RORB: variants seen among roughly 807,000 people sequenced by gnomAD.
RORB encodes the protein nuclear receptor ROR-beta.
Under a neutral mutation model 59.1 loss-of-function variants are expected in RORB, and 6 were observed. The observed-to-expected ratio is 0.10, with a 90% CI of 0.06 to 0.20. RORB has a LOEUF of 0.20. Among genes scored for constraint, RORB ranks in the 10% least tolerant of loss-of-function variants. The pLI is 1.00. For missense variants in RORB, 320 were observed against 560.5 expected (o/e 0.57, Z 4.33); for synonymous variants, 215 against 204.5 (o/e 1.05, Z -0.44).
At position 74,560,326 on chromosome 9, in the gene RORB, C is replaced by A. The variant is rs189629880; in HGVS notation, c.7+62343C>A. On this transcript the variant is annotated intron_variant, in intron 1 of 9. Transcript: ENST00000376896. ...TGGCTTAATGAAAGTACTCAGAATT[C>A]GAAGTAGGGTGGCGGAAGGCTCAAT... is the stretch of plus-strand genomic sequence containing the variant. 2.1e-4 allele frequency among the ~76,000 whole-genome samples: 32 copies of A among 152,194 alleles called. No homozygotes were observed. The East Asian group carries it at 6.0e-3, about 29-fold the overall frequency.
intron 1 of RORB, among the ~76,000 whole-genome samples, chr9:74,537,765 G>A (rs943969141): frequency 1.3e-5 from 2 of 152,040 alleles, no homozygotes; most frequent in African/African-American, 2.4e-5. Flanking sequence ...ATTTTGGTCT[G>A]ATGAGGGTAC....
Position 74,681,252 on chromosome 9 carries a change from T to TG in RORB, c.1225-4206dup, listed in dbSNP as rs570370014. Among the ~76,000 whole-genome samples, 1,106 of 152,268 alleles carry TG rather than the reference T, an allele frequency of 7.3e-3. 21 individuals carry two copies. Among genetic ancestry groups the TG allele is most frequent in the African/African-American group, 0.025 (1,056 of 41,550 alleles). On this transcript the variant is annotated intron_variant, in intron 9 of 9. Transcript: ENST00000376896. ...AGGCTGCTCTGAGCTCCCTTTGAAA[T>TG]GGGGGTCCCCTGGCTGCAGTACATA...
At chr9:74,640,965 A>T (rs970459693) in intron 3 of RORB, among the ~76,000 whole-genome samples, 2 of 152,192 alleles carry the variant, frequency 1.3e-5, no homozygotes, top group Admixed American at 1.3e-4. Flanking sequence ...GCACTTCACC[A>T]TTTAGATATT....
intron 1 of RORB, among the ~76,000 whole-genome samples, chr9:74,599,132 G>C (rs924558227): frequency 2.6e-5 from 4 of 152,132 alleles, no homozygotes; most frequent in African/African-American, 9.7e-5. Flanking sequence ...AATTTTGGTG[G>C]TGACAAACTC....
intron 1 of RORB, among the ~76,000 whole-genome samples, chr9:74,618,143 A>ACG (rs1261117393): frequency 6.6e-6 from 1 of 152,016 alleles, no homozygotes; most frequent in African/African-American, 2.4e-5. Flanking sequence ...ACACACACAC[A>ACG]CGCACACACA....
chr9:74,544,181 G>A (rs1408364383), intron 1 of RORB, among the ~76,000 whole-genome samples: 3 of 152,112 alleles, frequency 2.0e-5, no homozygotes, highest in African/African-American at 7.2e-5. Context: ...GCTTGCCTTG[G>A]TGCCTCTGTT....
intron 6 of RORB, among the ~76,000 whole-genome samples, 189 bp from the exon 7 acceptor site, chr9:74,665,299 C>G (rs1229171448): frequency 1.3e-5 from 2 of 151,664 alleles, no homozygotes; most frequent in African/African-American, 4.8e-5. Context: ...TTGCACCAAC[C>G]TAATAGTTAT....
chr9:74,517,336 C>G (rs1307922511), intron 1 of RORB, among the ~76,000 whole-genome samples: 1 of 151,856 alleles, frequency 6.6e-6, no homozygotes, highest in Non-Finnish European at 1.5e-5. Context: ...ATCAGGAGAT[C>G]TAAATTGTGA....
Position 74,669,356 on chromosome 9 carries a change from G to A in RORB, c.1111+1455G>A, listed in dbSNP as rs193011322. ...TAGCTGGATATGGTGGCAGATGCCT[G>A]TAATTCCAGCTCCTTGGGAAGCTGA... On this transcript the variant is annotated intron_variant, in intron 8 of 9. Coordinates refer to ENST00000376896, the MANE Select transcript of RORB (RefSeq NM_006914.4). Among the ~76,000 whole-genome samples, 58 of 152,090 alleles carry A rather than the reference G, an allele frequency of 3.8e-4. No individual in the cohort carries two copies. In the East Asian group the frequency reaches 0.01, roughly 27 times the overall value.
chr9:74,500,887 A>G (rs554859432), intron 1 of RORB, among the ~76,000 whole-genome samples: 1 of 152,044 alleles, frequency 6.6e-6, no homozygotes, highest in African/African-American at 2.4e-5. Context: ...TTGGTGGCGC[A>G]CAAAGCCTTT....
intron 1 of RORB, among the ~76,000 whole-genome samples, chr9:74,566,052 G>T (rs948225355): frequency 3.9e-5 from 6 of 152,238 alleles, no homozygotes; most frequent in African/African-American, 1.2e-4. Flanking sequence ...AAAGACCATA[G>T]TCATCAATGT....
At chr9:74,576,661 A>T (rs1241792771) in intron 1 of RORB, among the ~76,000 whole-genome samples, 1 of 152,092 alleles carries the variant, frequency 6.6e-6, no homozygotes, top group Admixed American at 6.6e-5. Flanking sequence ...ATTTTTAATC[A>T]GTGTATATTT....
intron 1 of RORB, among the ~76,000 whole-genome samples, chr9:74,619,951 T>G (rs1823383777): frequency 6.6e-6 from 1 of 152,204 alleles, no homozygotes; most frequent in Admixed American, 6.5e-5. Flanking sequence ...GCCAGTATTT[T>G]ATTGAGGATT....
intron 1 of RORB, among the ~76,000 whole-genome samples, chr9:74,544,617 G>A (rs1826460387): frequency 1.3e-5 from 2 of 152,260 alleles, no homozygotes; most frequent in South Asian, 4.1e-4. Flanking sequence ...GGGCTGTCAT[G>A]CAATGCCGTA....
intron 1 of RORB, among the ~76,000 whole-genome samples, chr9:74,599,779 C>T (rs1012404809): frequency 1.3e-5 from 2 of 152,180 alleles, no homozygotes; most frequent in African/African-American, 2.4e-5. Flanking sequence ...GGCTGTTTTA[C>T]TTGCCCCATA....
At chr9:74,629,057 G>A (rs1225192271) in intron 1 of RORB, among the ~76,000 whole-genome samples, 1 of 152,032 alleles carries the variant, frequency 6.6e-6, no homozygotes, top group Non-Finnish European at 1.5e-5. Flanking sequence ...TCTTGGCTAG[G>A]AAACTAGGAG....
chr9:74,531,465 T>C (rs556665080), intron 1 of RORB, among the ~76,000 whole-genome samples: 1 of 152,104 alleles, frequency 6.6e-6, no homozygotes, highest in South Asian at 2.1e-4. Context: ...CCCTCCTGAA[T>C]GAATGGCATT....
intron 1 of RORB, among the ~76,000 whole-genome samples, chr9:74,529,076 T>C (rs1826196055): frequency 6.6e-6 from 1 of 151,902 alleles, no homozygotes; most frequent in Non-Finnish European, 1.5e-5. Flanking sequence ...GGTTAAAGAG[T>C]AGAGGAAATA....
intron 6 of RORB, among the ~76,000 whole-genome samples, chr9:74,663,894 G>T (rs1468752227): frequency 6.6e-6 from 1 of 152,100 alleles, no homozygotes; most frequent in Non-Finnish European, 1.5e-5. Context: ...CACCCCAAGA[G>T]AACAAGGCAG....
Sources: allele counts gnomAD v4.1 joint callset (sites outside exome capture counted in the v4.1 genomes callset), GRCh38; gene constraint gnomAD v4.1.1; transcripts MANE v1.5; gene names NCBI Gene and HGNC (gene_info 2026-07-23, HGNC 2026-07-21).